Variants in TMEM38B observed in about 807,000 individuals in gnomAD.
TMEM38B encodes trimeric intracellular cation channel type B.
TMEM38B carries 24 observed loss-of-function variants against 28.7 expected under a neutral mutation model. The observed-to-expected ratio is 0.84, with a 90% CI of 0.61 to 1.18. TMEM38B has a LOEUF of 1.18. TMEM38B is among the 50% of genes most tolerant of loss of function. The pLI, the probability that TMEM38B is intolerant of heterozygous loss-of-function variation, is 0.00. For synonymous variants in TMEM38B, 131 were observed against 127.7 expected, an observed-to-expected ratio of 1.03 and a Z score of -0.17; for missense variants, 380 against 350.9, an observed-to-expected ratio of 1.08 and a Z score of -0.66.
chr9:105,763,717 C>A (rs12340725), intron 5 of TMEM38B, among the ~76,000 whole-genome samples: 2 of 152,104 alleles, frequency 1.3e-5, no homozygotes, highest in Non-Finnish European at 2.9e-5. Flanking sequence ...GGGAATCCTC[C>A]CTTACTCATT....
intron 2 of TMEM38B, among the ~76,000 whole-genome samples, chr9:105,712,113 C>T (rs1191525086): frequency 6.6e-6 from 1 of 152,142 alleles, no homozygotes; most frequent in African/African-American, 2.4e-5. Flanking sequence ...CGGGGTTTCA[C>T]CACGTTGGCC....
chr9:105,722,549 T>C lies in TMEM38B; in HGVS notation c.470T>C (p.Ile157Thr), dbSNP rs1303488494. 1 of 1,613,574 alleles carries C rather than the reference T, an allele frequency of 6.2e-7. No homozygotes were observed. Residue 157 changes from isoleucine to threonine, a missense_variant, in exon 4 of 6, where the codon ATT (isoleucine) becomes ACT (threonine). Coordinates refer to ENST00000374692, the MANE Select transcript of TMEM38B (RefSeq NM_018112.3). ...IGWARGAGGT[I>T]ITNFERLVKG... ...ATATTTTTAGGTGCAGGTGGTACCA[T>C]TATAACGAATTTTGAGAGGTTGGTA...
At chr9:105,728,779 C>T (rs1346758217) in intron 4 of TMEM38B, among the ~76,000 whole-genome samples, 10 of 152,104 alleles carry the variant, frequency 6.6e-5, no homozygotes, top group African/African-American at 2.2e-4. Flanking sequence ...TTCTGACTGG[C>T]GTGAGATGGT....
At chr9:105,726,404 T>G (rs1048022470) in intron 4 of TMEM38B, among the ~76,000 whole-genome samples, 1 of 152,172 alleles carries the variant, frequency 6.6e-6, no homozygotes, top group Non-Finnish European at 1.5e-5. Context: ...TTTTACTTTT[T>G]AAACTTTTTT....
At chr9:105,713,563 T>C (rs1233588370) in intron 2 of TMEM38B, among the ~76,000 whole-genome samples, 2 of 151,788 alleles carry the variant, frequency 1.3e-5, no homozygotes, top group East Asian at 3.9e-4. Context: ...AACTGAGGGG[T>C]GGCTGAGGGT....
intron 5 of TMEM38B, among the ~76,000 whole-genome samples, chr9:105,773,419 T>C (rs1490498020): frequency 6.6e-6 from 1 of 152,124 alleles, no homozygotes; most frequent in Admixed American, 6.6e-5. Context: ...CTTATTAGCT[T>C]TGTGATTTTG....
chr9:105,747,015 A>T (rs1837426466), intron 4 of TMEM38B, among the ~76,000 whole-genome samples: 1 of 152,186 alleles, frequency 6.6e-6, no homozygotes, highest in Non-Finnish European at 1.5e-5. Flanking sequence ...GATGTTCATC[A>T]GGGGTATTGG....
rs531850092 is a variant in TMEM38B at position 105,749,176 on chromosome 9, G to A, written c.660+986G>A. On this transcript the variant is annotated intron_variant, in intron 5 of 5. Coordinates refer to ENST00000374692, the MANE Select transcript of TMEM38B (RefSeq NM_018112.3). ...TCTTCCAGTCCTCAAATGTTGAGCC[G>A]TGTATATTTTTTTCTAACAGCTTTA... 1.6e-4 allele frequency: 186 copies of A among 1,185,682 alleles called. 1 individual carries two copies. The South Asian group carries it at 2.1e-3, about 13-fold the overall frequency. The allele number at this position is 1,185,682 out of a possible 1,614,324, so 73.4% of individuals were successfully genotyped here.
intron 4 of TMEM38B, among the ~76,000 whole-genome samples, chr9:105,737,862 C>G (rs1837044643): frequency 6.6e-6 from 1 of 151,952 alleles, no homozygotes; most frequent in African/African-American, 2.4e-5. Flanking sequence ...AGGTGAAGTG[C>G]TGCATTAGCT....
intron 1 of TMEM38B, among the ~76,000 whole-genome samples, chr9:105,701,978 G>A (rs1428823119): frequency 6.6e-6 from 1 of 152,166 alleles, no homozygotes; most frequent in East Asian, 1.9e-4. Context: ...ACTTTGGGAG[G>A]CTGAGGCAGG....
chr9:105,710,606 A>C (rs1292678479), intron 2 of TMEM38B: 1 of 782,540 alleles, frequency 1.3e-6, no homozygotes, highest in Non-Finnish European at 2.3e-6. Flanking sequence ...AACACCCTCA[A>C]ATTGAACAGA....
At chr9:105,757,397 T>C (rs1442265380) in intron 5 of TMEM38B, among the ~76,000 whole-genome samples, 1 of 152,212 alleles carries the variant, frequency 6.6e-6, no homozygotes, top group Non-Finnish European at 1.5e-5. Context: ...TTTCATATAA[T>C]GACTTCTTTT....
chr9:105,751,494 A>G (rs1311011089), intron 5 of TMEM38B, among the ~76,000 whole-genome samples: 1 of 152,150 alleles, frequency 6.6e-6, no homozygotes, highest in Non-Finnish European at 1.5e-5. Context: ...CCAGGAGTTT[A>G]TATACTCTGG....
chr9:105,742,223 A>G (rs1837233062), intron 4 of TMEM38B, among the ~76,000 whole-genome samples: 1 of 152,212 alleles, frequency 6.6e-6, no homozygotes. Context: ...AAAAGGAAGA[A>G]TGACTTCATG....
intron 2 of TMEM38B, among the ~76,000 whole-genome samples, chr9:105,709,000 T>G (rs1198070160): frequency 1.3e-5 from 2 of 152,032 alleles, no homozygotes; most frequent in African/African-American, 2.4e-5. Context: ...CTATTTTTTT[T>G]TTTTTTACTG....
intron 1 of TMEM38B, among the ~76,000 whole-genome samples, chr9:105,700,168 C>T (rs1260431644): frequency 1.3e-5 from 2 of 152,074 alleles, no homozygotes; most frequent in Non-Finnish European, 2.9e-5. Flanking sequence ...TTAATTTTAG[C>T]AAATATTCAT....
intron 1 of TMEM38B, among the ~76,000 whole-genome samples, chr9:105,703,234 C>T (rs561260346): frequency 6.6e-6 from 1 of 152,148 alleles, no homozygotes; most frequent in Non-Finnish European, 1.5e-5. Context: ...CCTGTAATCC[C>T]AGCACTTTGG....
chr9:105,728,594 G>T (rs568793158), intron 4 of TMEM38B, among the ~76,000 whole-genome samples: 1 of 152,260 alleles, frequency 6.6e-6, no homozygotes, highest in East Asian at 1.9e-4. Context: ...AATCCTTTGG[G>T]TATATACCCA....
At chr9:105,772,493 T>C (rs1017621215) in intron 5 of TMEM38B, among the ~76,000 whole-genome samples, 2 of 152,256 alleles carry the variant, frequency 1.3e-5, no homozygotes, top group South Asian at 2.1e-4. Context: ...CAGCTTTTTT[T>C]CTCTTGAATA....
Sources: allele counts gnomAD v4.1 joint callset (sites outside exome capture counted in the v4.1 genomes callset), GRCh38; gene constraint gnomAD v4.1.1; transcripts MANE v1.5; gene names NCBI Gene and HGNC (gene_info 2026-07-23, HGNC 2026-07-21).